The following LRRFIP2 variants were observed in gnomAD, a reference collection of about 807,000 sequenced individuals.
The protein encoded by LRRFIP2 is LRR binding FLII interacting protein 2.
In LRRFIP2, 109 loss-of-function variants were observed where a neutral mutation model predicts 125.9. The ratio of observed to expected loss-of-function variants is 0.87; its 90% CI spans 0.74 to 1.01. LRRFIP2 has a LOEUF of 1.01. LRRFIP2 is among the 50% of genes least tolerant of loss of function. The probability of loss-of-function intolerance (pLI) is 0.00; values close to 1 mark genes in which losing one functional copy is unlikely to be tolerated. For synonymous variants in LRRFIP2, 291 were observed against 293.1 expected (o/e 0.99, Z 0.07); for missense variants, 850 against 862.3 (o/e 0.99, Z 0.18).
intron 25 of LRRFIP2, 140 bp downstream of exon 25, chr3:37,058,650 G>T (rs906814784): frequency 2.4e-6 from 2 of 844,942 alleles, no homozygotes; most frequent in Admixed American, 2.3e-5. Context: ...ACTCTGACCT[G>T]GGTGACAGAG....
intron 1 of LRRFIP2, chr3:37,170,734 A>G (rs144470481): frequency 6.6e-6 from 1 of 152,234 alleles, no homozygotes; most frequent in Non-Finnish European, 1.5e-5. Context: ...AGATAACATC[A>G]ATGCTGGCAC....
At chr3:37,117,555 T>C (rs986107822) in intron 6 of LRRFIP2, among the ~76,000 whole-genome samples, 1 of 152,176 alleles carries the variant, frequency 6.6e-6, no homozygotes, top group Non-Finnish European at 1.5e-5. Context: ...TTCCAAATTT[T>C]TGATGCTATA....
At chr3:37,100,717 C>A (rs1282747612) in intron 15 of LRRFIP2, among the ~76,000 whole-genome samples, 1 of 152,134 alleles carries the variant, frequency 6.6e-6, no homozygotes, top group Admixed American at 6.5e-5. Flanking sequence ...TGACAGAATT[C>A]AGTTTTTAAG....
intron 7 of LRRFIP2, 56 bp from the exon 8 acceptor site, chr3:37,113,036 TA>T (rs1449537693): frequency 8.1e-6 from 8 of 990,048 alleles, no homozygotes; most frequent in Non-Finnish European, 1.3e-5. Flanking sequence ...GTTATGAAAA[TA>T]ATAAAATTCA....
At chr3:37,166,244 A>G (rs1280306106) in intron 1 of LRRFIP2, among the ~76,000 whole-genome samples, 1 of 151,762 alleles carries the variant, frequency 6.6e-6, no homozygotes. Context: ...GCAGGAGAAT[A>G]GCTTGAACCC....
chr3:37,080,743 T>G (rs1370723873), intron 19 of LRRFIP2, among the ~76,000 whole-genome samples: 2 of 152,142 alleles, frequency 1.3e-5, no homozygotes, highest in African/African-American at 4.8e-5. Flanking sequence ...GCAACCCAGT[T>G]TCTTCAACAT....
intron 1 of LRRFIP2, among the ~76,000 whole-genome samples, chr3:37,171,781 G>A (rs1187082652): frequency 6.6e-6 from 1 of 152,042 alleles, no homozygotes; most frequent in Non-Finnish European, 1.5e-5. Context: ...ACTTATGCAG[G>A]GCAAGAATTT....
chr3:37,059,315 C>T (rs1055383594), intron 24 of LRRFIP2, among the ~76,000 whole-genome samples: 1 of 151,578 alleles, frequency 6.6e-6, no homozygotes, highest in Non-Finnish European at 1.5e-5. Context: ...AGTTTGAGAC[C>T]GACCTGGGCA....
rs376542138 is a variant in LRRFIP2, at chr3:37,121,694, G to A, written c.229-3C>T. The A allele has an allele frequency of 9.9e-6, 16 of 1,613,674 alleles. No homozygotes were observed. The highest frequency in any genetic ancestry group is 1.4e-5 in the Non-Finnish European group (16 of 1,179,756). The stretch of plus-strand genomic sequence containing the variant: ...TACCTGGCCCTTTCCGAATCTTCCT[G>A]GGAAAGGAGAAAGTACATGGAGAGT... On this transcript the variant is annotated splice_region_variant and splice_polypyrimidine_tract_variant and intron_variant, in intron 4 of 27. Transcript: ENST00000336686.
intron 2 of LRRFIP2, among the ~76,000 whole-genome samples, chr3:37,139,585 T>C (rs974922415): frequency 6.6e-6 from 1 of 152,168 alleles, no homozygotes; most frequent in African/African-American, 2.4e-5. Context: ...TTACTTTCCC[T>C]GTGGTTCTAC....
In LRRFIP2 at chr3:37,065,947, A is replaced by AG. The variant is rs1332053450; in HGVS notation, c.1567-6dup. On this transcript the variant is annotated splice_polypyrimidine_tract_variant and splice_region_variant and intron_variant, in intron 22 of 27. Coordinates refer to ENST00000336686, the MANE Select transcript of LRRFIP2 (RefSeq NM_006309.4). ...GATTATAACTAAGCCATGTTTCTGC[A>AG]GGGGGGAAAAACCCACCATCACAAA... is the stretch of plus-strand genomic sequence containing the variant. 6.2e-7 allele frequency: 1 copy of AG among 1,614,034 alleles called. No homozygotes were observed. The highest frequency in any genetic ancestry group is 2.2e-5 in the East Asian group (1 of 44,884).
intron 17 of LRRFIP2, chr3:37,093,378 TC>T (rs1170657339): frequency 6.6e-6 from 1 of 152,464 alleles, no homozygotes; most frequent in African/African-American, 2.4e-5. Context: ...TACCCCTCTC[TC>T]CTTCCTCAAC....
upstream of LRRFIP2, chr3:37,175,070 C>CT (rs2096639201): frequency 6.6e-6 from 1 of 152,248 alleles, no homozygotes; most frequent in African/African-American, 2.4e-5. Context: ...TCTCCAATAA[C>CT]TGCACTTTTT....
intron 1 of LRRFIP2, among the ~76,000 whole-genome samples, chr3:37,162,986 G>A (rs6786495): frequency 0.011 from 1,616 of 152,320 alleles, 38 homozygotes; most frequent in African/African-American, 0.036. Flanking sequence ...GCTTAGCTTA[G>A]AAGCAAAACC....
chr3:37,140,379 A>G (rs1310390704), intron 2 of LRRFIP2: 1 of 152,198 alleles, frequency 6.6e-6, no homozygotes, highest in Non-Finnish European at 1.5e-5. Flanking sequence ...AGAGATTAGC[A>G]TGGCCTCTGT....
Position 37,095,809 on chromosome 3 carries a change from T to C in LRRFIP2, c.918+807A>G, listed in dbSNP as rs571832598. ...GGCACGCAAAACCATGACTGGCTAA[T>C]ATTTTTTTTGCATTTTTAGCAGAGA... On this transcript the variant is annotated intron_variant, in intron 16 of 27. Coordinates refer to ENST00000336686, the MANE Select transcript of LRRFIP2 (RefSeq NM_006309.4). Among the ~76,000 whole-genome samples the C allele has an allele frequency of 5.3e-4, 80 of 152,062 alleles. No homozygotes were observed. The Middle Eastern group carries it at 0.017, about 32-fold the overall frequency.
Position 37,127,568 on chromosome 3 carries a change from C to A in LRRFIP2, c.228+62G>T, listed in dbSNP as rs372019109. The stretch of plus-strand genomic sequence containing the variant: ...TTGCAAACTATTAGTTAATGTTTTA[C>A]TTCAAGACTGCATTATTTCAGCAAT... On this transcript the variant is annotated intron_variant, in intron 4 of 27. Coordinates refer to ENST00000336686, the MANE Select transcript of LRRFIP2 (RefSeq NM_006309.4). 56 of 1,535,724 alleles carry A rather than the reference C, an allele frequency of 3.6e-5. No homozygotes were observed. In the African/African-American group the frequency reaches 5.7e-4, roughly 16 times the overall value.
chr3:37,157,905 T>C (rs951637912), intron 1 of LRRFIP2, among the ~76,000 whole-genome samples: 4 of 152,230 alleles, frequency 2.6e-5, no homozygotes, highest in African/African-American at 4.8e-5. Context: ...TCATTTGTCC[T>C]AAGAATTATC....
At chr3:37,068,347 T>G (rs1359481707) in intron 21 of LRRFIP2, 1 of 152,206 alleles carries the variant, frequency 6.6e-6, no homozygotes. Context: ...ACAGGCCAAT[T>G]TGAAACTAGG....
Sources: allele counts gnomAD v4.1 joint callset (sites outside exome capture counted in the v4.1 genomes callset), GRCh38; gene constraint gnomAD v4.1.1; transcripts MANE v1.5; gene names NCBI Gene and HGNC (gene_info 2026-07-23, HGNC 2026-07-21).